SLIT1: variants seen among roughly 807,000 people sequenced by gnomAD.
The protein encoded by SLIT1 is slit guidance ligand 1, also known as slit homolog 1 protein.
SLIT1 carries 66 observed loss-of-function variants against 186.1 expected under a neutral mutation model. That is an observed-to-expected ratio of 0.35 (90% CI 0.29 to 0.44). The LOEUF (loss-of-function observed/expected upper bound fraction) is 0.44. Among genes scored for constraint, SLIT1 ranks in the 20% least tolerant of loss-of-function variants. The pLI is 1.00. For synonymous variants in SLIT1, 761 were observed against 833.8 expected, an observed-to-expected ratio of 0.91 and a Z score of 1.50; for missense variants, 1,638 against 2,037.4, an observed-to-expected ratio of 0.80 and a Z score of 3.77.
At chr10:97,052,770 A>G (rs144283357) in intron 13 of SLIT1, among the ~76,000 whole-genome samples, 503 of 152,364 alleles carry the variant, frequency 3.3e-3, no homozygotes, top group African/African-American at 0.011. Flanking sequence ...GTAAATTTAA[A>G]TCTGCTCAGG....
intron 4 of SLIT1, among the ~76,000 whole-genome samples, chr10:97,098,231 G>A (rs896415791): frequency 1.3e-5 from 2 of 152,222 alleles, no homozygotes; most frequent in African/African-American, 4.8e-5. Flanking sequence ...TGACCCGGGG[G>A]GCTAAGAGTT....
At chr10:97,177,543 A>G (rs12266967) in intron 1 of SLIT1, among the ~76,000 whole-genome samples, 16,200 of 152,250 alleles carry the variant, frequency 0.11, 930 homozygotes, top group East Asian at 0.15. Flanking sequence ...CAAATGTATT[A>G]TCTTTCAGTT....
chr10:97,017,500 G>A (rs573172013), intron 28 of SLIT1, among the ~76,000 whole-genome samples: 9 of 152,364 alleles, frequency 5.9e-5, no homozygotes, highest in South Asian at 2.1e-4. Flanking sequence ...GTGGGAGGGC[G>A]CTTGCGTTGT....
At chr10:97,162,816 C>A (rs1297568021) in intron 3 of SLIT1, among the ~76,000 whole-genome samples, 4 of 151,688 alleles carry the variant, frequency 2.6e-5, no homozygotes, top group Non-Finnish European at 5.9e-5. Flanking sequence ...CCCCACCTCA[C>A]CCCACTATGT....
chr10:97,119,142 G>A lies in SLIT1; in HGVS notation c.413+38676C>T, dbSNP rs117196263. Among the ~76,000 whole-genome samples the A allele has an allele frequency of 8.9e-3, 1,349 of 152,244 alleles. 7 individuals carry two copies. The highest frequency in any genetic ancestry group is 0.014 in the Non-Finnish European group (947 of 68,026). On this transcript the variant is annotated intron_variant, in intron 4 of 36. Coordinates refer to ENST00000266058, the MANE Select transcript of SLIT1 (RefSeq NM_003061.3). The stretch of plus-strand genomic sequence containing the variant: ...GGGTGTCTGGCTAAAGTCAAAATTA[G>A]GAAGAATTCTCCGTCCTCACCACCC...
In SLIT1 at chr10:97,049,061, G is replaced by A. The variant is rs752755194; in HGVS notation, c.1359C>T (p.Phe453=). 6 of 1,613,842 alleles carry A rather than the reference G, an allele frequency of 3.7e-6. No homozygotes were observed. The highest frequency in any genetic ancestry group is 1.6e-4 in the Middle Eastern group (1 of 6,062). Residue 453 remains phenylalanine, a synonymous_variant, in exon 14 of 37, where the codon TTC becomes TTT. Coordinates refer to ENST00000266058, the MANE Select transcript of SLIT1 (RefSeq NM_003061.3). ...CDCNLKWLAD[F]LRTNPIETSG... Reference sequence around the variant, plus strand: ...TCGTCTCGATGGGATTGGTGCGCAGGAAGTCTGCCAGCCACTTGAGGTTAC... The same window carrying A: ...TCGTCTCGATGGGATTGGTGCGCAGAAAGTCTGCCAGCCACTTGAGGTTAC...
At chr10:97,074,072 C>A (rs1849024290) in intron 4 of SLIT1, among the ~76,000 whole-genome samples, 1 of 152,228 alleles carries the variant, frequency 6.6e-6, no homozygotes, top group African/African-American at 2.4e-5. Flanking sequence ...CTCCTAGCAC[C>A]CCCACTTTTA....
intron 36 of SLIT1, among the ~76,000 whole-genome samples, 153 bp from the exon 37 acceptor site, chr10:97,001,503 C>T (rs767014205): frequency 7.2e-5 from 11 of 152,258 alleles, no homozygotes; most frequent in East Asian, 1.9e-4. Flanking sequence ...AGCATACTTC[C>T]GCCTCCCACT....
intron 4 of SLIT1, among the ~76,000 whole-genome samples, chr10:97,073,699 G>A (rs1849021383): frequency 6.6e-6 from 1 of 152,194 alleles, no homozygotes; most frequent in Non-Finnish European, 1.5e-5. Flanking sequence ...AGGGTGCTGA[G>A]GACAAAGCCC....
At position 97,022,142 on chromosome 10, in the gene SLIT1, C is replaced by T. The variant is rs143762107; in HGVS notation, c.2583-729G>A. 8.3e-4 allele frequency among the ~76,000 whole-genome samples: 127 copies of T among 152,238 alleles called. No homozygotes were observed. In the South Asian group the frequency reaches 0.014, roughly 17 times the overall value. The stretch of plus-strand genomic sequence containing the variant: ...TGGGCACCGAATCATCTCATCAGCC[C>T]CACTGTGCAAGTTTTCTCCTCTCCA... On this transcript the variant is annotated intron_variant, in intron 25 of 36. Coordinates refer to ENST00000266058, the MANE Select transcript of SLIT1 (RefSeq NM_003061.3). The surrounding 1 kb of genome is among the most constrained non-coding windows in gnomAD (Gnocchi z 4.2).
At chr10:97,157,231 T>C (rs555794259) in intron 4 of SLIT1, 1 of 152,272 alleles carries the variant, frequency 6.6e-6, no homozygotes, top group South Asian at 2.1e-4. Flanking sequence ...CCAATTCCCA[T>C]AAAATGAAAT....
At chr10:97,098,767 G>C (rs551141527) in intron 4 of SLIT1, among the ~76,000 whole-genome samples, 1 of 152,192 alleles carries the variant, frequency 6.6e-6, no homozygotes, top group Admixed American at 6.5e-5. Context: ...AGTCCCTCAC[G>C]AGGCCACAAT....
At chr10:97,060,503 C>T in intron 9 of SLIT1, 137 bp downstream of exon 9, 1 of 1,099,854 alleles carries the variant, frequency 9.1e-7, no homozygotes, top group African/African-American at 1.6e-5. Flanking sequence ...CCAGCAGAGG[C>T]AAACTGTGTC....
At position 97,064,871 on chromosome 10, in the gene SLIT1, A is replaced by T; in HGVS notation, c.491T>A (p.Leu164Gln). The T allele has an allele frequency of 6.2e-7, 1 of 1,612,948 alleles. No homozygotes were observed. ...RGATDLKNLQ[L>Q]DKNQISCIEE... is the part of the protein sequence containing the mutation. ...AATGCAGCTGATCTGGTTCTTGTCC[A>T]GCTGTCTGTGAAGCAAAGGAAGGTT... The change falls in exon 6 of 37, where the codon CTG becomes CAG. Residue 164 changes from leucine (L) to glutamine (Q), a missense_variant. By Grantham distance (113) the Leu-to-Gln change is moderately radical. Transcript: ENST00000266058.
chr10:97,143,852 T>C (rs55656826), intron 4 of SLIT1, among the ~76,000 whole-genome samples: 29,145 of 152,110 alleles, frequency 0.19, 3,802 homozygotes, highest in African/African-American at 0.37. Flanking sequence ...ATACTGTATG[T>C]ATGTTCTAGG....
intron 4 of SLIT1, among the ~76,000 whole-genome samples, chr10:97,139,870 T>C (rs575305574): frequency 6.6e-6 from 1 of 152,282 alleles, no homozygotes; most frequent in South Asian, 2.1e-4. Context: ...CGGCAAAGCC[T>C]CTCACAAGGT....
At chr10:97,142,895 A>G (rs1849780174) in intron 4 of SLIT1, among the ~76,000 whole-genome samples, 1 of 152,230 alleles carries the variant, frequency 6.6e-6, no homozygotes, top group African/African-American at 2.4e-5. Context: ...AAGATGCGCA[A>G]ACTAGTCATC....
chr10:97,097,259 CT>C (rs1446562781), intron 4 of SLIT1, among the ~76,000 whole-genome samples: 5 of 152,348 alleles, frequency 3.3e-5, no homozygotes, highest in Admixed American at 1.3e-4. Context: ...TGATGCTTTG[CT>C]GTCTCAGGAG....
chr10:97,030,642 C>A, intron 25 of SLIT1, 115 bp downstream of exon 25: 1 of 866,786 alleles, frequency 1.2e-6, no homozygotes, highest in Non-Finnish European at 1.9e-6. Flanking sequence ...AGTTCCCAAG[C>A]TTAATTTCAG....
Sources: allele counts gnomAD v4.1 joint callset (sites outside exome capture counted in the v4.1 genomes callset), GRCh38; gene constraint gnomAD v4.1.1; non-coding constraint Gnocchi (gnomAD v3.1); transcripts MANE v1.5; gene names NCBI Gene and HGNC (gene_info 2026-07-23, HGNC 2026-07-21).